Variants in EPB41 observed in about 807,000 individuals in gnomAD.
EPB41 encodes erythrocyte membrane protein band 4.1.
Under a neutral mutation model 108.0 loss-of-function variants are expected in EPB41, and 65 were observed. That is an observed-to-expected ratio of 0.60 (90% CI 0.49 to 0.74). The LOEUF is 0.74. Among genes scored for constraint, EPB41 ranks in the 30% least tolerant of loss-of-function variants. The probability of loss-of-function intolerance (pLI) is 0.00; values close to 1 mark genes in which losing one functional copy is unlikely to be tolerated. For synonymous variants in EPB41, 336 were observed against 358.9 expected (o/e 0.94, Z 0.72); for missense variants, 875 against 1,037.0 (o/e 0.84, Z 2.15).
intron 4 of EPB41, among the ~76,000 whole-genome samples, chr1:28,998,172 G>T (rs981731676): frequency 2.1e-4 from 32 of 152,266 alleles, no homozygotes; most frequent in African/African-American, 7.5e-4. Context: ...AGTATGGCCC[G>T]GGAAGTCTCC....
intron 4 of EPB41, 132 bp downstream of exon 4, chr1:28,997,451 A>G: frequency 3.0e-6 from 2 of 677,888 alleles, no homozygotes; most frequent in South Asian, 3.3e-5. Flanking sequence ...CTTATTTCTT[A>G]GATTTTCCTG....
intron 19 of EPB41, among the ~76,000 whole-genome samples, chr1:29,112,835 G>C (rs149279828): frequency 1.2e-3 from 181 of 152,280 alleles, no homozygotes; most frequent in Non-Finnish European, 2.0e-3. Flanking sequence ...GGTGAGCTCA[G>C]TTAAATGGAG....
Position 29,018,542 on chromosome 1 carries a change from C to CA in EPB41, c.1124+101dup. ...GTTTGCCTAAGAGGGATCATGGTGC[C>CA]ATAGAAAGAGTCAGTTTCCTCCACT... On this transcript the variant is annotated intron_variant, in intron 7 of 20. Coordinates refer to ENST00000343067, the MANE Select transcript of EPB41 (RefSeq NM_001376013.1). The surrounding 1 kb of genome is among the most constrained non-coding windows in gnomAD (Gnocchi z 4.4). 8.3e-7 allele frequency: 1 copy of CA among 1,207,336 alleles called. No individual in the cohort carries two copies. Among genetic ancestry groups the CA allele is most frequent in the Admixed American group, 1.7e-5 (1 of 57,226 alleles). 74.8% of individuals were successfully genotyped at this position (1,207,336 alleles called of 1,614,324 possible). A position where few individuals can be genotyped will look rare whatever the true frequency, so the allele number is the denominator to read the frequency against.
chr1:29,038,969 A>G (rs1309147302), intron 10 of EPB41, among the ~76,000 whole-genome samples: 2 of 152,186 alleles, frequency 1.3e-5, no homozygotes, highest in African/African-American at 4.8e-5. Flanking sequence ...TGGGGAAAAC[A>G]TTATAAGGAT....
Position 29,022,164 on chromosome 1 carries a change from A to G in EPB41, c.1124+3722A>G, listed in dbSNP as rs562392906. On this transcript the variant is annotated intron_variant, in intron 7 of 20. Transcript: ENST00000343067. Reference sequence around the variant, plus strand: ...ATGTGTTTTTTTATACACATATTATATCAAGGTTTGGAAGATTTTCATAAC... The same window carrying G: ...ATGTGTTTTTTTATACACATATTATGTCAAGGTTTGGAAGATTTTCATAAC... Among the ~76,000 whole-genome samples, 8 of 152,290 alleles carry G rather than the reference A, an allele frequency of 5.3e-5. No individual in the cohort carries two copies. In the South Asian group the frequency reaches 1.7e-3, roughly 32 times the overall value.
intron 16 of EPB41, chr1:29,069,517 C>G: frequency 2.0e-6 from 2 of 1,020,814 alleles, no homozygotes; most frequent in Non-Finnish European, 2.4e-6. Context: ...CTTTTGCAAT[C>G]TTTAAAATGT....
At chr1:28,899,979 C>T (rs2091107136) in intron 1 of EPB41, among the ~76,000 whole-genome samples, 1 of 152,180 alleles carries the variant, frequency 6.6e-6, no homozygotes, top group Non-Finnish European at 1.5e-5. Flanking sequence ...TTAGCATCTT[C>T]TCATAGGATT....
intron 16 of EPB41, among the ~76,000 whole-genome samples, chr1:29,085,141 C>CTTTTTTTT (rs527593950): frequency 1.2e-4 from 14 of 117,324 alleles, no homozygotes; most frequent in South Asian, 8.6e-4. Flanking sequence ...CTTTGATCTT[C>CTTTTTTTT]TTTTTTTTTT....
intron 4 of EPB41, among the ~76,000 whole-genome samples, chr1:29,004,832 A>G (rs531475331): frequency 6.6e-6 from 1 of 152,346 alleles, no homozygotes; most frequent in Admixed American, 6.5e-5. Flanking sequence ...TAACAGCAGC[A>G]TAAATAAGGT....
chr1:29,059,458 T>C (rs1646130284), intron 14 of EPB41, among the ~76,000 whole-genome samples: 1 of 151,964 alleles, frequency 6.6e-6, no homozygotes, highest in African/African-American at 2.4e-5. Context: ...ATTGATAATA[T>C]TTTATATACA....
At position 28,903,890 on chromosome 1, in the gene EPB41, A is replaced by C. The variant is rs1401198680; in HGVS notation, c.-8+16680A>C. On this transcript the variant is annotated intron_variant, in intron 1 of 16. Transcript: ENST00000347529. ...TTGTTGTTTGTTTGTTTTTTGAGAC[A>C]GAGTCTCACTCTGTTGCCCAGGCTG... Among the ~76,000 whole-genome samples, 8 of 151,794 alleles carry C rather than the reference A, an allele frequency of 5.3e-5. 1 individual carries two copies. The highest frequency in any genetic ancestry group is 5.3e-4 in the Admixed American group (8 of 15,224).
intron 9 of EPB41, among the ~76,000 whole-genome samples, chr1:29,035,446 A>ATATCCCATTCCCTG (rs1639097853): frequency 6.6e-6 from 1 of 152,192 alleles, no homozygotes; most frequent in African/African-American, 2.4e-5. Context: ...GACTTGGTCA[A>ATATCCCATTCCCTG]TATCCCATTC....
rs955269650 is a variant in EPB41 at position 29,078,095 on chromosome 1, G to A, written c.2184+12937G>A. On this transcript the variant is annotated intron_variant, in intron 16 of 20. Coordinates refer to ENST00000343067, the MANE Select transcript of EPB41 (RefSeq NM_001376013.1). The stretch of plus-strand genomic sequence containing the variant: ...ACAAAAATTAGCCAGGTATGGTGGC[G>A]CACGCCTATAATCTCAGCTATTCGG... Among the ~76,000 whole-genome samples the A allele has an allele frequency of 7.7e-4, 117 of 152,034 alleles. 1 individual carries two copies. The highest frequency in any genetic ancestry group is 1.4e-3 in the Non-Finnish European group (96 of 68,012).
chr1:28,922,594 C>T (rs981159061), intron 1 of EPB41, among the ~76,000 whole-genome samples: 25 of 150,154 alleles, frequency 1.7e-4, no homozygotes, highest in South Asian at 2.1e-4. Flanking sequence ...CACCGTGCCC[C>T]GCCAGTTTTA....
At chr1:28,999,417 T>C (rs965779402) in intron 4 of EPB41, among the ~76,000 whole-genome samples, 17 of 152,150 alleles carry the variant, frequency 1.1e-4, no homozygotes, top group Admixed American at 6.5e-5. Context: ...GGAAATACTC[T>C]GAAAAGTGTT....
intron 1 of EPB41, among the ~76,000 whole-genome samples, chr1:28,901,465 C>T (rs955653261): frequency 2.6e-5 from 4 of 151,312 alleles, no homozygotes; most frequent in South Asian, 2.1e-4. Flanking sequence ...CCTCATGATC[C>T]GCGAGCCTCA....
chr1:29,023,579 C>T (rs549210796), intron 7 of EPB41, among the ~76,000 whole-genome samples: 1 of 151,582 alleles, frequency 6.6e-6, no homozygotes, highest in Non-Finnish European at 1.5e-5. Flanking sequence ...CCCAGCTCCT[C>T]AGGAGGCTGA....
At chr1:29,094,457 G>C (rs985439487) in intron 16 of EPB41, among the ~76,000 whole-genome samples, 20 of 151,814 alleles carry the variant, frequency 1.3e-4, no homozygotes, top group African/African-American at 4.6e-4. Flanking sequence ...TTGTATTTTT[G>C]TAGAGGCAAG....
chr1:29,108,985 G>C (rs1668231993), intron 17 of EPB41, among the ~76,000 whole-genome samples: 1 of 151,736 alleles, frequency 6.6e-6, no homozygotes, highest in Admixed American at 6.6e-5. Flanking sequence ...GATCACCTGA[G>C]GTGGGGAGTT....
Sources: gnomAD v4.1 joint callset for allele counts (sites outside exome capture counted in the v4.1 genomes callset) on GRCh38, gnomAD v4.1.1 for gene constraint, Gnocchi (gnomAD v3.1) non-coding constraint, MANE v1.5 for transcripts, NCBI Gene and HGNC (gene_info 2026-07-23, HGNC 2026-07-21) for gene names.